CDH20: variants seen among roughly 807,000 people sequenced by gnomAD.
CDH20 encodes the protein cadherin-20.
In CDH20, 29 loss-of-function variants were observed where a neutral mutation model predicts 74.2. The observed-to-expected ratio is 0.39, with a 90% CI of 0.29 to 0.53. The LOEUF (loss-of-function observed/expected upper bound fraction) is 0.53. CDH20 is among the 20% of genes least tolerant of loss of function. CDH20 has a pLI of 0.69. For synonymous variants in CDH20, 469 were observed against 405.4 expected, an observed-to-expected ratio of 1.16 and a Z score of -1.88; for missense variants, 988 against 1,048.3, an observed-to-expected ratio of 0.94 and a Z score of 0.79.
intron 1 of CDH20, among the ~76,000 whole-genome samples, chr18:61,392,939 G>A (rs192696445): frequency 1.3e-5 from 2 of 152,094 alleles, no homozygotes; most frequent in Non-Finnish European, 2.9e-5. Context: ...AAACAAGAGG[G>A]CAGTCTCATC....
In CDH20 at chr18:61,475,841, C is replaced by T. The variant is rs181735026; in HGVS notation, c.-152-14561C>T. On this transcript the variant is annotated intron_variant, in intron 1 of 11. Transcript: ENST00000262717. ...CATAGAATTCTCTTCTTTAGAGACA[C>T]CTGTCACATCATAAATGAAAATTAG... 7.2e-5 allele frequency among the ~76,000 whole-genome samples: 11 copies of T among 152,298 alleles called. No homozygotes were observed. In the East Asian group the frequency reaches 9.7e-4, roughly 13 times the overall value.
intron 6 of CDH20, among the ~76,000 whole-genome samples, chr18:61,522,374 C>A (rs1236819998): frequency 1.3e-5 from 2 of 152,142 alleles, no homozygotes; most frequent in Non-Finnish European, 1.5e-5. Context: ...TGAAGGACCT[C>A]TTCAAGGAGA....
intron 1 of CDH20, among the ~76,000 whole-genome samples, chr18:61,344,025 C>T (rs1384766784): frequency 6.6e-6 from 1 of 152,094 alleles, no homozygotes; most frequent in East Asian, 1.9e-4. Context: ...AGAGGTCCTC[C>T]AAGGTGCTTC....
At chr18:61,346,880 T>C (rs1298317682) in intron 1 of CDH20, among the ~76,000 whole-genome samples, 2 of 152,046 alleles carry the variant, frequency 1.3e-5, no homozygotes, top group Non-Finnish European at 2.9e-5. Context: ...AGCTTGGAAG[T>C]TGCTCTTATT....
intron 1 of CDH20, among the ~76,000 whole-genome samples, chr18:61,488,756 C>G (rs941321831): frequency 3.3e-5 from 5 of 151,938 alleles, no homozygotes; most frequent in Non-Finnish European, 7.4e-5. Context: ...GCCCTTTAGT[C>G]TGCCTTCTAG....
At position 61,554,388 on chromosome 18, in the gene CDH20, AC is replaced by A; in HGVS notation, c.2100del (p.Asp700GlufsTer19). The A allele has an allele frequency of 6.2e-7, 1 of 1,612,936 alleles. No homozygotes were observed. The highest frequency in any genetic ancestry group is 8.5e-7 in the Non-Finnish European group (1 of 1,179,718). ...GGGGCCGCCCCCAAGACGCGGCAGGACATGCTGCCCGAGATCGAGAGCCTCT... is the reference window on the plus strand; with the variant it reads ...GGGGCCGCCCCCAAGACGCGGCAGGAATGCTGCCCGAGATCGAGAGCCTCT... The part of the protein sequence containing the change: ...QAGAAPKTRQ[D>X]MLPEIESLSR... On this transcript the variant is annotated frameshift_variant, in exon 12 of 12. Transcript: ENST00000262717. LOFTEE classifies it high-confidence loss of function.
At chr18:61,471,007 C>T (rs9319980) in intron 1 of CDH20, among the ~76,000 whole-genome samples, 42,326 of 151,662 alleles carry the variant, frequency 0.28, 6,141 homozygotes, top group Middle Eastern at 0.4. Context: ...AAACATGTAA[C>T]TTGATTAAGA....
chr18:61,388,715 T>A (rs78309543), intron 1 of CDH20, among the ~76,000 whole-genome samples: 3,767 of 152,278 alleles, frequency 0.025, 166 homozygotes, highest in African/African-American at 0.087. Flanking sequence ...ATGCGAACAG[T>A]AATACAAGTT....
chr18:61,425,524 C>T (rs1913042203), intron 1 of CDH20, among the ~76,000 whole-genome samples: 1 of 152,198 alleles, frequency 6.6e-6, no homozygotes, highest in Non-Finnish European at 1.5e-5. Context: ...TCCCAACTCA[C>T]TGCAGCATTA....
chr18:61,434,571 A>T (rs1908765576), intron 1 of CDH20, among the ~76,000 whole-genome samples: 1 of 152,084 alleles, frequency 6.6e-6, no homozygotes, highest in Non-Finnish European at 1.5e-5. Context: ...CTCACAGCTG[A>T]CAGGAGGCAG....
intron 11 of CDH20, 115 bp from the exon 12 acceptor site, chr18:61,554,075 G>C: frequency 7.9e-7 from 1 of 1,261,184 alleles, no homozygotes; most frequent in South Asian, 1.5e-5. Flanking sequence ...AGCTATCTCT[G>C]AGCCCTCCAC....
chr18:61,380,081 A>G (rs8088963), intron 1 of CDH20, among the ~76,000 whole-genome samples: 60,688 of 152,068 alleles, frequency 0.4, 12,757 homozygotes, highest in East Asian at 0.79. Flanking sequence ...CTGTCGATTT[A>G]GAGTTGCTGC....
chr18:61,530,359 C>T (rs539831923), intron 7 of CDH20, among the ~76,000 whole-genome samples: 47 of 152,300 alleles, frequency 3.1e-4, no homozygotes, highest in African/African-American at 1.1e-3. Flanking sequence ...CACCAAACTG[C>T]TCTTCTTATC....
At chr18:61,538,474 C>T (rs7239572) in intron 8 of CDH20, among the ~76,000 whole-genome samples, 65,749 of 151,526 alleles carry the variant, frequency 0.43, 15,367 homozygotes, top group Non-Finnish European at 0.53. Flanking sequence ...TTCTCATGTC[C>T]GGCCACACTC....
At chr18:61,510,877 C>A (rs1004675257) in intron 6 of CDH20, among the ~76,000 whole-genome samples, 2 of 152,028 alleles carry the variant, frequency 1.3e-5, no homozygotes, top group African/African-American at 4.8e-5. Flanking sequence ...ATGTGGCATG[C>A]CTCAAGTAAA....
At chr18:61,338,720 G>A (rs1488632198) in intron 1 of CDH20, among the ~76,000 whole-genome samples, 8 of 152,148 alleles carry the variant, frequency 5.3e-5, no homozygotes, top group Admixed American at 3.9e-4. Context: ...GCACATGTCA[G>A]AAACATGCAC....
intron 1 of CDH20, among the ~76,000 whole-genome samples, chr18:61,464,766 T>C (rs2144365570): frequency 6.6e-6 from 1 of 152,238 alleles, no homozygotes; most frequent in African/African-American, 2.4e-5. Flanking sequence ...GAGGAAACAT[T>C]AGCATCACAG....
chr18:61,479,498 A>T (rs1910511400), intron 1 of CDH20, among the ~76,000 whole-genome samples: 1 of 152,180 alleles, frequency 6.6e-6, no homozygotes. Context: ...TTTCAGTACT[A>T]ACTAAAAGAA....
At chr18:61,438,984 A>G (rs1035938275) in intron 1 of CDH20, among the ~76,000 whole-genome samples, 25 of 152,142 alleles carry the variant, frequency 1.6e-4, no homozygotes, top group African/African-American at 5.8e-4. Context: ...CCATTTTCCT[A>G]AGTGAATTAA....
Sources: allele counts gnomAD v4.1 joint callset (sites outside exome capture counted in the v4.1 genomes callset), GRCh38; gene constraint gnomAD v4.1.1; transcripts MANE v1.5; gene names NCBI Gene and HGNC (gene_info 2026-07-23, HGNC 2026-07-21).